SPDYE21: variants seen among roughly 807,000 people sequenced by gnomAD.
SPDYE21 encodes speedy/RINGO cell cycle regulator family member E21.
A neutral mutation model predicts 36.2 loss-of-function variants in SPDYE21; 14 were observed. The ratio of observed to expected loss-of-function variants is 0.39; its 90% confidence interval spans 0.26 to 0.61. SPDYE21 has a LOEUF of 0.61. SPDYE21 is among the 20% of genes least tolerant of loss of function. The pLI is 0.55. For missense variants in SPDYE21, 233 were observed against 424.6 expected, an observed-to-expected ratio of 0.55 and a Z score of 3.97; for synonymous variants, 58 against 155.1, an observed-to-expected ratio of 0.37 and a Z score of 4.65.
chr7:67,285,381 A>G (rs1469627693), intron 6 of SPDYE21, among the ~76,000 whole-genome samples: 1 of 146,900 alleles, frequency 6.8e-6, no homozygotes, highest in Non-Finnish European at 1.5e-5. Flanking sequence ...ACACCTGGAC[A>G]GTTTGTTTGT....
At position 67,278,725 on chromosome 7, in the gene SPDYE21, G is replaced by A. The variant is rs1426450856; in HGVS notation, c.12G>A (p.Thr4=). The part of the protein sequence containing the change: MDR[T]ETRFRKRGQI... ...TCCAGAAGAAGGCCATGGACAGAAC[G>A]GAGACTAGGTTCCGTAAGAGGGGAC... Residue 4 remains threonine (T), a synonymous_variant, in exon 2 of 9, where the codon ACG becomes ACA. Transcript: ENST00000424157. Among the ~76,000 whole-genome samples, 2 of 150,372 alleles carry A rather than the reference G, an allele frequency of 1.3e-5. No individual in the cohort carries two copies. The highest frequency in any genetic ancestry group is 2.5e-5 in the African/African-American group (1 of 40,688).
chr7:67,287,591 G>A lies in SPDYE21; in HGVS notation c.*119G>A, dbSNP rs572540201. 4.0e-5 allele frequency among the ~76,000 whole-genome samples: 6 copies of A among 150,770 alleles called. No individual in the cohort carries two copies. The highest frequency in any genetic ancestry group is 2.1e-4 in the South Asian group (1 of 4,786). ...AATGCTAATGGCAGACACCAGGAAGGAGAAGAGGAACCATTTGTGCAGATC... is the reference window on the plus strand; with the variant it reads ...AATGCTAATGGCAGACACCAGGAAGAAGAAGAGGAACCATTTGTGCAGATC... On this transcript the variant is annotated 3_prime_UTR_variant, in exon 9 of 9. Transcript: ENST00000424157.
chr7:67,280,116 T>G (rs1223663067), intron 3 of SPDYE21, 80 bp downstream of exon 3: 1 of 1,511,310 alleles, frequency 6.6e-7, no homozygotes, highest in Non-Finnish European at 8.8e-7. Context: ...ACTTTTCCAA[T>G]GGGAAAGATA....
intron 1 of SPDYE21, among the ~76,000 whole-genome samples, chr7:67,277,425 A>AT (rs1276190580): frequency 6.6e-6 from 1 of 151,706 alleles, no homozygotes; most frequent in South Asian, 2.1e-4. Context: ...TATCAAAAAA[A>AT]TTTTTTTTGA....
intron 1 of SPDYE21, among the ~76,000 whole-genome samples, 138 bp downstream of exon 1, chr7:67,277,200 A>G (rs1282180624): frequency 6.6e-6 from 1 of 152,102 alleles, no homozygotes; most frequent in Admixed American, 6.6e-5. Context: ...AGCTGCGATT[A>G]CAGGCATCCA....
At chr7:67,284,922 G>C (rs1802704428) in intron 6 of SPDYE21, among the ~76,000 whole-genome samples, 1 of 149,562 alleles carries the variant, frequency 6.7e-6, no homozygotes, top group Non-Finnish European at 1.5e-5. Context: ...CACCATCTTG[G>C]TATTTCCTGG....
intron 1 of SPDYE21, among the ~76,000 whole-genome samples, 21 bp from the exon 2 acceptor site, chr7:67,278,271 C>T (rs1403780688): frequency 7.4e-6 from 1 of 135,606 alleles, no homozygotes; most frequent in Non-Finnish European, 1.6e-5. Flanking sequence ...TTCTTTCCCA[C>T]TCTGTTCCCT....
In SPDYE21 at chr7:67,286,104, C is replaced by A; in HGVS notation, c.816C>A (p.Phe272Leu). The change falls in exon 7 of 9, where the codon TTC (phenylalanine) becomes TTA (leucine). Residue 272 changes from phenylalanine to leucine, a missense_variant. Around this residue, in one of 4 missense-constraint regions of SPDYE21, gnomAD observed 139 missense variants for 175.8 expected, o/e 0.79. Coordinates refer to ENST00000424157, the MANE Select transcript of SPDYE21 (RefSeq NM_001382715.2). ...ACTCCAAACAAAACATCTTCCACTT[C>A]CTGTATGGGAAGACCCGCTCTCGCA... ...DEDSKQNIFH[F>L]LYGKTRSRIP... 6.2e-7 allele frequency: 1 copy of A among 1,614,070 alleles called. No homozygotes were observed. Among genetic ancestry groups the A allele is most frequent in the Non-Finnish European group, 8.5e-7 (1 of 1,180,052 alleles).
Position 67,279,944 on chromosome 7 carries a change from T to G in SPDYE21, c.287T>G (p.Val96Gly). ...CCTGAGCCTGAGGAGACCTGGGTAGTGGAGACGCTGTGTGGGCTTAAGATG... is the reference window on the plus strand; with the variant it reads ...CCTGAGCCTGAGGAGACCTGGGTAGGGGAGACGCTGTGTGGGCTTAAGATG... ...LAPEPEETWVVETLCGLKMKL... is the reference protein window; with the variant it reads ...LAPEPEETWVGETLCGLKMKL... The change falls in exon 3 of 9, where the codon GTG becomes GGG. Residue 96 changes from valine to glycine, a missense_variant. Physicochemically the swap from Val to Gly is moderately radical, Grantham distance 109. Transcript: ENST00000424157. 6.3e-7 allele frequency: 1 copy of G among 1,588,294 alleles called. No individual in the cohort carries two copies. Among genetic ancestry groups the G allele is most frequent in the Non-Finnish European group, 8.5e-7 (1 of 1,177,048 alleles).
chr7:67,277,593 GGTTTT>G (rs1377601588), intron 1 of SPDYE21, among the ~76,000 whole-genome samples: 1 of 151,596 alleles, frequency 6.6e-6, no homozygotes, highest in East Asian at 1.9e-4. Flanking sequence ...AATTTGGTTT[GGTTTT>G]GTTTTTTTAG....
intron 6 of SPDYE21, among the ~76,000 whole-genome samples, chr7:67,284,278 G>A (rs568190142): frequency 2.6e-5 from 4 of 151,392 alleles, no homozygotes; most frequent in East Asian, 2.0e-4. Context: ...GCCAAACCCC[G>A]TCTCTACTAA....
intron 2 of SPDYE21, among the ~76,000 whole-genome samples, chr7:67,279,289 C>G (rs1462366629): frequency 6.8e-6 from 1 of 147,782 alleles, no homozygotes; most frequent in Non-Finnish European, 1.5e-5. Context: ...TGCAGTGGCT[C>G]ACACCTGTAA....
chr7:67,281,053 G>C (rs1254621612), intron 3 of SPDYE21, among the ~76,000 whole-genome samples: 1 of 124,726 alleles, frequency 8.0e-6, no homozygotes, highest in Non-Finnish European at 1.6e-5. Context: ...CTACACTCCA[G>C]CCTAGGCCAC....
In SPDYE21 at chr7:67,279,741, T is replaced by C. The variant is rs1205093668; in HGVS notation, c.161-77T>C. ...CTGCGAGGCTGGGGAGGATGGAGAG[T>C]GGTTTGGGGTTTTGGGTCGGGGTCT... On this transcript the variant is annotated intron_variant, in intron 2 of 8. Coordinates refer to ENST00000424157, the MANE Select transcript of SPDYE21 (RefSeq NM_001382715.2). The C allele has an allele frequency of 1.1e-5, 17 of 1,589,530 alleles. 1 individual carries two copies. The highest frequency in any genetic ancestry group is 1.4e-5 in the Non-Finnish European group (17 of 1,177,288).
At chr7:67,281,953 CAG>C (rs1802647786) in intron 4 of SPDYE21, among the ~76,000 whole-genome samples, 1 of 152,014 alleles carries the variant, frequency 6.6e-6, no homozygotes, top group Non-Finnish European at 1.5e-5. Context: ...GCCTGGGTGA[CAG>C]AGCAAAACCC....
rs1202329665 is a variant in SPDYE21, at chr7:67,287,005, T to C, written c.*45+341T>C. 4.8e-4 allele frequency among the ~76,000 whole-genome samples: 73 copies of C among 152,064 alleles called. 1 individual carries two copies. Among genetic ancestry groups the C allele is most frequent in the African/African-American group, 1.7e-3 (71 of 41,516 alleles). ...ATTATGATTGACGCACTTGAGTTAC[T>C]GATTTGGGTCGAGGGTTCAGTGAAG... On this transcript the variant is annotated intron_variant, in intron 8 of 8. Coordinates refer to ENST00000424157, the MANE Select transcript of SPDYE21 (RefSeq NM_001382715.2).
chr7:67,282,117 A>G (rs1454684249), intron 4 of SPDYE21, among the ~76,000 whole-genome samples: 4 of 152,214 alleles, frequency 2.6e-5, no homozygotes, highest in Non-Finnish European at 5.9e-5. Flanking sequence ...TGGCCCACAG[A>G]GCAAGACTCT....
intron 1 of SPDYE21, among the ~76,000 whole-genome samples, chr7:67,277,425 A>T (rs940294899): frequency 1.1e-4 from 16 of 151,824 alleles, no homozygotes; most frequent in East Asian, 1.9e-4. Flanking sequence ...TATCAAAAAA[A>T]TTTTTTTTGA....
chr7:67,281,064 A>G (rs1226442050), intron 3 of SPDYE21, among the ~76,000 whole-genome samples: 1 of 135,106 alleles, frequency 7.4e-6, no homozygotes, highest in Non-Finnish European at 1.6e-5. Context: ...CCTAGGCCAC[A>G]AAGCAAGACT....
Sources: gnomAD v4.1 joint callset for allele counts (sites outside exome capture counted in the v4.1 genomes callset) on GRCh38, gnomAD v4.1.1 for gene constraint, gnomAD v4.1.1 regional missense constraint, MANE v1.5 for transcripts, NCBI Gene and HGNC (gene_info 2026-07-23, HGNC 2026-07-21) for gene names.